The following NRCAM variants were observed in gnomAD, a reference collection of about 807,000 sequenced individuals.
The protein encoded by NRCAM is NgCAM-related cell adhesion molecule.
Under a neutral mutation model 156.5 loss-of-function variants are expected in NRCAM, and 83 were observed. That is an observed-to-expected ratio of 0.53 (90% CI 0.44 to 0.64). The LOEUF (loss-of-function observed/expected upper bound fraction) is 0.64. Among genes scored for constraint, NRCAM ranks in the 30% least tolerant of loss-of-function variants. NRCAM has a pLI of 0.00. For synonymous variants in NRCAM, 538 were observed against 563.9 expected, an observed-to-expected ratio of 0.95 and a Z score of 0.65; for missense variants, 1,417 against 1,597.3, an observed-to-expected ratio of 0.89 and a Z score of 1.92.
At chr7:108,281,679 G>A (rs2097862906) in intron 3 of NRCAM, among the ~76,000 whole-genome samples, 1 of 152,212 alleles carries the variant, frequency 6.6e-6, no homozygotes, top group Admixed American at 6.5e-5. Context: ...GGGGTGTGGG[G>A]AATGGAGGGT....
chr7:108,368,032 A>T (rs1164940541), intron 2 of NRCAM, among the ~76,000 whole-genome samples: 1 of 152,158 alleles, frequency 6.6e-6, no homozygotes, highest in Non-Finnish European at 1.5e-5. Flanking sequence ...CCACCATGAT[A>T]TAGAGCTGGA....
intron 2 of NRCAM, among the ~76,000 whole-genome samples, chr7:108,386,042 C>G (rs2099740027): frequency 6.6e-6 from 1 of 151,934 alleles, no homozygotes; most frequent in Non-Finnish European, 1.5e-5. Context: ...ACCCTCAGTT[C>G]CGCTTGGTTT....
At chr7:108,300,377 C>A (rs570906017) in intron 3 of NRCAM, among the ~76,000 whole-genome samples, 1 of 151,816 alleles carries the variant, frequency 6.6e-6, no homozygotes, top group East Asian at 1.9e-4. Flanking sequence ...TATCTTTATG[C>A]AATAAAATGT....
intron 3 of NRCAM, among the ~76,000 whole-genome samples, chr7:108,253,336 G>T (rs952564223): frequency 6.6e-6 from 1 of 152,164 alleles, no homozygotes; most frequent in African/African-American, 2.4e-5. Context: ...AAAGTAAGAT[G>T]TATCCAATTG....
At chr7:108,435,823 C>T (rs556778626) in intron 1 of NRCAM, among the ~76,000 whole-genome samples, 1 of 152,320 alleles carries the variant, frequency 6.6e-6, no homozygotes, top group African/African-American at 2.4e-5. Flanking sequence ...TCGAAAGGCA[C>T]AGTAAATCTT....
intron 2 of NRCAM, among the ~76,000 whole-genome samples, chr7:108,346,572 A>T (rs1287662821): frequency 1.3e-5 from 2 of 152,198 alleles, no homozygotes; most frequent in Non-Finnish European, 2.9e-5. Context: ...ACATTCTTTT[A>T]TCCTACCTCC....
At chr7:108,184,730 T>C (rs2065643077) in intron 20 of NRCAM, 116 bp from the exon 21 acceptor site, 9 of 757,932 alleles carry the variant, frequency 1.2e-5, no homozygotes, top group Non-Finnish European at 1.6e-5. Flanking sequence ...TGAATTATTT[T>C]ACTTTCAAGA....
At chr7:108,409,823 A>G (rs1793116774) in intron 1 of NRCAM, among the ~76,000 whole-genome samples, 1 of 152,246 alleles carries the variant, frequency 6.6e-6, no homozygotes. Context: ...ATAAAATAAT[A>G]TGCATAGACT....
chr7:108,214,118 G>A (rs1043352246), intron 11 of NRCAM, among the ~76,000 whole-genome samples: 8 of 152,204 alleles, frequency 5.3e-5, no homozygotes, highest in African/African-American at 1.9e-4. Flanking sequence ...CACAAAATGA[G>A]TTAGGGAGGA....
intron 3 of NRCAM, among the ~76,000 whole-genome samples, chr7:108,301,443 C>T (rs553368388): frequency 6.6e-6 from 1 of 152,266 alleles, no homozygotes; most frequent in Non-Finnish European, 1.5e-5. Context: ...AGAATTGGTA[C>T]CAGGCACCTG....
At chr7:108,239,653 TGGGAAGATCA>T (rs2095400594) in intron 4 of NRCAM, among the ~76,000 whole-genome samples, 1 of 152,136 alleles carries the variant, frequency 6.6e-6, no homozygotes, top group South Asian at 2.1e-4. Context: ...AGCCGCCTGT[TGGGAAGATCA>T]GGCAGCTTGC....
chr7:108,357,792 G>A (rs908608458), intron 2 of NRCAM, among the ~76,000 whole-genome samples: 2 of 152,096 alleles, frequency 1.3e-5, no homozygotes, highest in East Asian at 1.9e-4. Flanking sequence ...ATTAAATTAG[G>A]CTTAAGTATT....
At chr7:108,176,254 A>G (rs1248245460) in intron 27 of NRCAM, among the ~76,000 whole-genome samples, 176 bp downstream of exon 27, 2 of 152,222 alleles carry the variant, frequency 1.3e-5, no homozygotes, top group Admixed American at 1.3e-4. Context: ...GTTGAAAAAT[A>G]TCAGTCCAAT....
intron 3 of NRCAM, among the ~76,000 whole-genome samples, chr7:108,252,612 C>A (rs1219402816): frequency 1.3e-5 from 2 of 152,114 alleles, no homozygotes; most frequent in Admixed American, 6.5e-5. Flanking sequence ...GTTTTAACTT[C>A]TGATTTTTAT....
At chr7:108,205,616 G>A (rs2080709459) in intron 13 of NRCAM, among the ~76,000 whole-genome samples, 1 of 152,154 alleles carries the variant, frequency 6.6e-6, no homozygotes, top group African/African-American at 2.4e-5. Flanking sequence ...CTAGATCTCA[G>A]GGACACTTTT....
At chr7:108,187,557 G>GC (rs1345999476) in intron 20 of NRCAM, among the ~76,000 whole-genome samples, 1 of 152,086 alleles carries the variant, frequency 6.6e-6, no homozygotes, top group Admixed American at 6.6e-5. Flanking sequence ...CTGCTGATTT[G>GC]TTTTTTGCAT....
At chr7:108,288,287 C>A (rs1342454835) in intron 3 of NRCAM, among the ~76,000 whole-genome samples, 1 of 152,074 alleles carries the variant, frequency 6.6e-6, no homozygotes, top group Middle Eastern at 3.4e-3. Flanking sequence ...CTATTGGGTA[C>A]GATGTTCACT....
intron 1 of NRCAM, among the ~76,000 whole-genome samples, chr7:108,404,889 C>T (rs2099803006): frequency 6.6e-6 from 1 of 152,156 alleles, no homozygotes; most frequent in African/African-American, 2.4e-5. Flanking sequence ...CGTTTTCTGG[C>T]ATTTCCAGAA....
chr7:108,182,417 T>C (rs1026879472), intron 23 of NRCAM, among the ~76,000 whole-genome samples: 10 of 152,192 alleles, frequency 6.6e-5, no homozygotes, highest in Non-Finnish European at 1.3e-4. Flanking sequence ...GAGGGTTCCA[T>C]AGGGCTATCT....
Sources: gnomAD v4.1 joint callset for allele counts (sites outside exome capture counted in the v4.1 genomes callset) on GRCh38, gnomAD v4.1.1 for gene constraint, MANE v1.5 for transcripts, NCBI Gene and HGNC (gene_info 2026-07-23, HGNC 2026-07-21) for gene names.